IQCK: variants seen among roughly 807,000 people sequenced by gnomAD.
IQCK encodes the protein IQ domain-containing protein K.
In IQCK, 29 loss-of-function variants were observed where a neutral mutation model predicts 28.1. The observed-to-expected ratio is 1.03, with a 90% CI of 0.77 to 1.41. The LOEUF (loss-of-function observed/expected upper bound fraction) is 1.41, where lower values mean the gene tolerates loss of function less well. Ranked by LOEUF, IQCK falls within the 40% of genes most tolerant of loss-of-function variation. The pLI, the probability that IQCK is intolerant of heterozygous loss-of-function variation, is 0.00. For synonymous variants in IQCK, 113 were observed against 115.1 expected (o/e 0.98, Z 0.12); for missense variants, 359 against 314.7 (o/e 1.14, Z -1.07).
intron 9 of IQCK, among the ~76,000 whole-genome samples, chr16:19,849,752 C>A (rs928708738): frequency 1.3e-5 from 2 of 150,240 alleles, no homozygotes. Flanking sequence ...CAGAATGACA[C>A]CCTGTCTCTG....
chr16:19,821,121 T>C (rs1037083644), intron 7 of IQCK, among the ~76,000 whole-genome samples: 2 of 152,028 alleles, frequency 1.3e-5, no homozygotes, highest in Non-Finnish European at 1.5e-5. Context: ...GGTGGGAGGA[T>C]TACTTGAGCC....
At chr16:19,813,866 T>C (rs1449798111) in intron 7 of IQCK, among the ~76,000 whole-genome samples, 1 of 151,754 alleles carries the variant, frequency 6.6e-6, no homozygotes, top group Non-Finnish European at 1.5e-5. Flanking sequence ...CAGCCTTTTG[T>C]TTTGTTTTGT....
intron 4 of IQCK, chr16:19,761,805 A>T (rs1395756365): frequency 2.2e-5 from 4 of 179,854 alleles, no homozygotes; most frequent in Non-Finnish European, 4.8e-5. Context: ...TTGAAAACTC[A>T]AGAACAGTGG....
chr16:19,851,817 A>G (rs974058367), intron 9 of IQCK, among the ~76,000 whole-genome samples: 4 of 152,130 alleles, frequency 2.6e-5, no homozygotes, highest in African/African-American at 9.7e-5. Context: ...GCTGCATTCT[A>G]CAGCATCCTG....
At chr16:19,730,086 G>T (rs1977783377) in intron 1 of IQCK, among the ~76,000 whole-genome samples, 1 of 151,992 alleles carries the variant, frequency 6.6e-6, no homozygotes, top group Non-Finnish European at 1.5e-5. Context: ...CTCCCAAGTA[G>T]CTGTGATTAC....
At chr16:19,757,628 C>A (rs997984558) in intron 4 of IQCK, among the ~76,000 whole-genome samples, 6 of 152,146 alleles carry the variant, frequency 3.9e-5, no homozygotes, top group African/African-American at 1.4e-4. Context: ...GGAGATCGTG[C>A]CACTGCACTC....
rs71146277 is a variant in IQCK at position 19,852,407 on chromosome 16, T to TAACA, written c.803-4055_803-4052dup. ...CAAAGCGAGACCTCTCTACAACATT[T>TAACA]AACAAACAAACAAACAAACAAACAA... On this transcript the variant is annotated intron_variant, in intron 9 of 9. Coordinates refer to the IQCK transcript ENST00000320394. Among the ~76,000 whole-genome samples, 223 of 151,544 alleles carry TAACA rather than the reference T, an allele frequency of 1.5e-3. 1 individual carries two copies. Among genetic ancestry groups the TAACA allele is most frequent in the East Asian group, 7.5e-3 (38 of 5,054 alleles).
At position 19,721,138 on chromosome 16, in the gene IQCK, CAT is replaced by C. The variant is rs149100592; in HGVS notation, c.181+2652_181+2653del. Among the ~76,000 whole-genome samples the C allele has an allele frequency of 2.0e-3, 309 of 152,108 alleles. 3 individuals are homozygous for C. The highest frequency in any genetic ancestry group is 7.0e-3 in the African/African-American group (291 of 41,510). On this transcript the variant is annotated intron_variant, in intron 1 of 7. Coordinates refer to ENST00000564186, the Ensembl canonical transcript of IQCK. ...ATCTAACAAATGCAGTTTTCTATAACATGTAGTAAATTCAGTTTCTGACAACA... is the reference window on the plus strand; with the variant it reads ...ATCTAACAAATGCAGTTTTCTATAACGTAGTAAATTCAGTTTCTGACAACA...
At chr16:19,843,553 C>T (rs187936910) in intron 9 of IQCK, among the ~76,000 whole-genome samples, 439 of 152,322 alleles carry the variant, frequency 2.9e-3, no homozygotes, top group African/African-American at 0.01. Flanking sequence ...TACTTTACTC[C>T]TTTTTACAGC....
intron 9 of IQCK, among the ~76,000 whole-genome samples, chr16:19,840,085 A>T (rs2056347507): frequency 1.3e-5 from 2 of 151,848 alleles, no homozygotes; most frequent in Admixed American, 1.3e-4. Context: ...ATATAAATGG[A>T]TAAAGACCGC....
At chr16:19,784,421 C>T (rs2055535226) in intron 6 of IQCK, among the ~76,000 whole-genome samples, 1 of 152,146 alleles carries the variant, frequency 6.6e-6, no homozygotes, top group African/African-American at 2.4e-5. Flanking sequence ...TCAGTTGTTT[C>T]AACTCTCAAG....
intron 9 of IQCK, among the ~76,000 whole-genome samples, chr16:19,836,880 C>G (rs2056306014): frequency 6.6e-6 from 1 of 152,108 alleles, no homozygotes; most frequent in South Asian, 2.1e-4. Flanking sequence ...CCAGATTGGG[C>G]TAAGTTTCCC....
chr16:19,826,949 A>T, intron 7 of IQCK, 77 bp from the exon 8 acceptor site: 1 of 921,012 alleles, frequency 1.1e-6, no homozygotes, highest in South Asian at 1.4e-5. Context: ...TTTGTAAAGG[A>T]TTTTCCATGC....
At chr16:19,819,795 C>CCT (rs2056041231) in intron 7 of IQCK, among the ~76,000 whole-genome samples, 1 of 151,502 alleles carries the variant, frequency 6.6e-6, no homozygotes, top group Admixed American at 6.6e-5. Context: ...GGGCAGATCA[C>CCT]GAGGTCAGGA....
chr16:19,745,211 C>G (rs1292638082), intron 4 of IQCK, among the ~76,000 whole-genome samples: 1 of 152,200 alleles, frequency 6.6e-6, no homozygotes, highest in Admixed American at 6.5e-5. Flanking sequence ...TTTTCTTTCT[C>G]TCTTTCCTTT....
chr16:19,826,120 T>C (rs181764165), intron 7 of IQCK, among the ~76,000 whole-genome samples: 16 of 151,822 alleles, frequency 1.1e-4, no homozygotes, highest in African/African-American at 3.9e-4. Context: ...AATCCTCCCA[T>C]ATCAGCCTCC....
At chr16:19,754,459 A>C (rs1192843928) in intron 4 of IQCK, among the ~76,000 whole-genome samples, 2 of 152,172 alleles carry the variant, frequency 1.3e-5, no homozygotes, top group African/African-American at 4.8e-5. Context: ...ATGTAACGTA[A>C]AATTTTCCCT....
chr16:19,811,250 G>T (rs573243389), intron 7 of IQCK, among the ~76,000 whole-genome samples: 20 of 152,210 alleles, frequency 1.3e-4, no homozygotes, highest in Admixed American at 7.9e-4. Flanking sequence ...AAGCCTGGGT[G>T]ACAGAGCGAG....
intron 4 of IQCK, 142 bp downstream of exon 4, chr16:19,735,592 C>G (rs1977988522): frequency 1.5e-6 from 1 of 685,322 alleles, no homozygotes; most frequent in Non-Finnish European, 2.6e-6. Flanking sequence ...GGGTCACTTA[C>G]CCAGTTCCAG....
Sources: allele counts gnomAD v4.1 joint callset (sites outside exome capture counted in the v4.1 genomes callset), GRCh38; gene constraint gnomAD v4.1.1; transcripts MANE v1.5; gene names NCBI Gene and HGNC (gene_info 2026-07-23, HGNC 2026-07-21).